Variants in CNTNAP3 observed in about 807,000 individuals in gnomAD.
CNTNAP3 encodes contactin-associated protein-like 3.
In CNTNAP3, 36 loss-of-function variants were observed where a neutral mutation model predicts 92.1. The observed-to-expected ratio is 0.39, with a 90% CI of 0.30 to 0.52. CNTNAP3 has a LOEUF of 0.52. CNTNAP3 is among the 20% of genes least tolerant of loss of function. The pLI is 0.76. For synonymous variants in CNTNAP3, 232 were observed against 422.3 expected, an observed-to-expected ratio of 0.55 and a Z score of 5.53; for missense variants, 534 against 1,069.6, an observed-to-expected ratio of 0.50 and a Z score of 6.98.
At chr9:39,091,160 T>A (rs1826187437) in intron 18 of CNTNAP3, among the ~76,000 whole-genome samples, 1 of 149,714 alleles carries the variant, frequency 6.7e-6, no homozygotes, top group Non-Finnish European at 1.5e-5. Context: ...AATTTGGATG[T>A]TTTTCTTCTT....
intron 14 of CNTNAP3, among the ~76,000 whole-genome samples, chr9:39,111,743 G>A (rs1202498024): frequency 1.3e-5 from 2 of 151,928 alleles, no homozygotes; most frequent in Non-Finnish European, 2.9e-5. Flanking sequence ...TCTATTTCAC[G>A]GGAGCTCCAA....
rs1473272787 is a variant in CNTNAP3 at position 39,152,052 on chromosome 9, T to A, written c.1478-2075A>T. Among the ~76,000 whole-genome samples the A allele has an allele frequency of 1.1e-4, 15 of 141,088 alleles. 1 individual carries two copies. The highest frequency in any genetic ancestry group is 2.1e-4 in the Admixed American group (3 of 14,564). The allele number at this position is 141,088 out of a possible 152,430, so 92.6% of individuals were successfully genotyped here. A position where few individuals can be genotyped will look rare whatever the true frequency, so the allele number is the denominator to read the frequency against. On this transcript the variant is annotated intron_variant, in intron 9 of 23. Transcript: ENST00000297668. ...AAAAAATGAAGTATAGAATTTGTAC[T>A]TATGTGTTTTTCATTGACCTCTCTT...
rs368671736 is a variant in CNTNAP3, at chr9:39,113,207, G to A, written c.2238-3920C>T. On this transcript the variant is annotated intron_variant, in intron 14 of 23. Coordinates refer to ENST00000297668, the MANE Select transcript of CNTNAP3 (RefSeq NM_033655.5). ...GACAATGCCAAATGTCCCAAGAGTCGAAATCACCCCCGATTGAGAACTACT... is the reference window on the plus strand; with the variant it reads ...GACAATGCCAAATGTCCCAAGAGTCAAAATCACCCCCGATTGAGAACTACT... Among the ~76,000 whole-genome samples the A allele has an allele frequency of 6.4e-4, 97 of 152,050 alleles. 1 individual carries two copies. The South Asian group carries it at 0.015, about 23-fold the overall frequency.
intron 12 of CNTNAP3, among the ~76,000 whole-genome samples, chr9:39,138,992 A>C (rs1388996760): frequency 1.3e-5 from 2 of 152,174 alleles, no homozygotes; most frequent in Non-Finnish European, 2.9e-5. Flanking sequence ...TGCTTTTTGA[A>C]GGTTATTACC....
chr9:39,217,364 A>G (rs1466713874), intron 3 of CNTNAP3, among the ~76,000 whole-genome samples: 1 of 14,242 alleles, frequency 7.0e-5, no homozygotes, highest in African/African-American at 1.2e-4. Flanking sequence ...ATGAGTATAT[A>G]TATATATATA....
At chr9:39,092,224 C>T (rs901282482) in intron 18 of CNTNAP3, among the ~76,000 whole-genome samples, 8 of 145,610 alleles carry the variant, frequency 5.5e-5, no homozygotes, top group Admixed American at 1.4e-4. Flanking sequence ...TTTTCTGTCA[C>T]TTTTATATTA....
intron 21 of CNTNAP3, among the ~76,000 whole-genome samples, chr9:39,081,178 C>T (rs1272045736): frequency 1.3e-5 from 2 of 151,302 alleles, no homozygotes; most frequent in East Asian, 2.0e-4. Flanking sequence ...GGAAGAAACT[C>T]GTGATTCTGT....
At chr9:39,132,742 A>G (rs1304136269) in intron 13 of CNTNAP3, among the ~76,000 whole-genome samples, 190 bp downstream of exon 13, 1 of 152,180 alleles carries the variant, frequency 6.6e-6, no homozygotes, top group Non-Finnish European at 1.5e-5. Context: ...ACGTCTCTCA[A>G]CGGTCAGGAA....
chr9:39,065,671 GGAA>G lies in CNTNAP3; in HGVS notation c.*8216_*8218del, dbSNP rs1163479316. Reference sequence around the variant, plus strand: ...ATTTTTAATCATAACCATTTTAGTGGGAAGAATAACTCACTGTGGTTTTAATTT... The same window carrying G: ...ATTTTTAATCATAACCATTTTAGTGGGAATAACTCACTGTGGTTTTAATTT... On this transcript the variant is annotated 3_prime_UTR_variant, in exon 24 of 24. Coordinates refer to ENST00000297668, the MANE Select transcript of CNTNAP3 (RefSeq NM_033655.5). Among the ~76,000 whole-genome samples, 2 of 152,280 alleles carry G rather than the reference GGAA, an allele frequency of 1.3e-5. No homozygotes were observed. The highest frequency in any genetic ancestry group is 3.8e-4 in the East Asian group (2 of 5,196).
chr9:39,133,562 C>T (rs968027157), intron 12 of CNTNAP3, among the ~76,000 whole-genome samples: 7 of 151,756 alleles, frequency 4.6e-5, no homozygotes, highest in African/African-American at 7.3e-5. Context: ...GACGATGTGA[C>T]GCACATACTC....
intron 13 of CNTNAP3, among the ~76,000 whole-genome samples, chr9:39,125,442 G>T (rs1162975861): frequency 1.3e-5 from 2 of 152,034 alleles, no homozygotes; most frequent in Non-Finnish European, 2.9e-5. Flanking sequence ...CACCAACATG[G>T]CACATGGATA....
intron 10 of CNTNAP3, among the ~76,000 whole-genome samples, chr9:39,147,117 G>A (rs1821722737): frequency 6.6e-6 from 1 of 152,150 alleles, no homozygotes; most frequent in Non-Finnish European, 1.5e-5. Flanking sequence ...TGTAAGACGT[G>A]TCTTGATTCT....
At chr9:39,124,130 T>A (rs1433173346) in intron 13 of CNTNAP3, among the ~76,000 whole-genome samples, 1 of 151,854 alleles carries the variant, frequency 6.6e-6, no homozygotes, top group Admixed American at 6.6e-5. Context: ...TGAATGATAA[T>A]AATGTAATAC....
Position 39,118,257 on chromosome 9 carries a change from C to A in CNTNAP3, c.2083G>T (p.Gly695Ter), listed in dbSNP as rs1481270098. The A allele has an allele frequency of 6.2e-7, 1 of 1,612,852 alleles. No individual in the cohort carries two copies. Among genetic ancestry groups the A allele is most frequent in the South Asian group, 1.1e-5 (1 of 90,906 alleles). The change falls in exon 14 of 24, where the codon GGA becomes TGA. Residue 695 changes from glycine (G) to a stop codon, truncating the protein, a stop_gained and splice_region_variant. Transcript: ENST00000297668. LOFTEE classifies it high-confidence loss of function. ...CCAACCCACCAGCTCAGTGGGGTTC[C>A]ATCTGAAAGACAAGTATAAGAAACA... ...GTARRPDSRD[G>*]TPLSWWVGRT...
chr9:39,121,887 C>A (rs1373558714), intron 13 of CNTNAP3, among the ~76,000 whole-genome samples: 2 of 152,234 alleles, frequency 1.3e-5, no homozygotes, highest in South Asian at 4.1e-4. Context: ...TCTAATCCCC[C>A]AAAAAGCTAG....
intron 8 of CNTNAP3, among the ~76,000 whole-genome samples, chr9:39,168,457 T>C (rs1402516954): frequency 1.2e-5 from 1 of 82,650 alleles, no homozygotes; most frequent in Admixed American, 1.5e-4. Context: ...CCCCATCCCA[T>C]GGAATAAGCC....
intron 18 of CNTNAP3, among the ~76,000 whole-genome samples, chr9:39,092,999 T>A (rs1017519644): frequency 6.9e-6 from 1 of 145,308 alleles, no homozygotes; most frequent in African/African-American, 2.5e-5. Flanking sequence ...TTTTAGAGTT[T>A]ATTTTTTTCT....
intron 21 of CNTNAP3, among the ~76,000 whole-genome samples, chr9:39,080,200 T>TCGTCCAGC (rs1825898138): frequency 7.1e-6 from 1 of 141,380 alleles, no homozygotes; most frequent in African/African-American, 2.9e-5. Context: ...TGGTCTTTCA[T>TCGTCCAGC]CGTCCAGCTT....
intron 21 of CNTNAP3, chr9:39,085,247 C>G (rs1156492131): frequency 6.4e-6 from 1 of 155,922 alleles, no homozygotes; most frequent in Non-Finnish European, 1.4e-5. Context: ...CTGTTAGATA[C>G]TAAAGTCAAA....
Sources: gnomAD v4.1 joint callset for allele counts (sites outside exome capture counted in the v4.1 genomes callset) on GRCh38, gnomAD v4.1.1 for gene constraint, MANE v1.5 for transcripts, NCBI Gene and HGNC (gene_info 2026-07-23, HGNC 2026-07-21) for gene names.